The following NOS1AP variants were observed in gnomAD, a reference collection of about 807,000 sequenced individuals.
NOS1AP encodes carboxyl-terminal PDZ ligand of neuronal nitric oxide synthase protein.
NOS1AP carries 21 observed loss-of-function variants against 56.2 expected under a neutral mutation model. The ratio of observed to expected loss-of-function variants is 0.37; its 90% CI spans 0.26 to 0.54. The LOEUF is 0.54. Ranked by LOEUF, NOS1AP falls within the 20% of genes least tolerant of loss-of-function variation. NOS1AP has a pLI of 0.84. For synonymous variants in NOS1AP, 270 were observed against 274.6 expected (o/e 0.98, Z 0.17); for missense variants, 522 against 657.8 (o/e 0.79, Z 2.26).
In NOS1AP at chr1:162,357,037, C is replaced by A. The variant is rs1222468441; in HGVS notation, c.840C>A (p.Gly280=). ...CTTCTTCTTCCTCGAAGCCTCCAGG[C>A]CTGGGCACAGAGACACCGCTGTCCA... is the stretch of plus-strand genomic sequence containing the variant. The part of the protein sequence containing the change: ...LLPSSSSKPP[G]LGTETPLSTH... Residue 280 remains glycine (G), a synonymous_variant, in exon 8 of 10, where the codon GGC becomes GGA. Coordinates refer to ENST00000361897, the MANE Select transcript of NOS1AP (RefSeq NM_014697.3). 1 of 1,613,812 alleles carries A rather than the reference C, an allele frequency of 6.2e-7. No individual in the cohort carries two copies. The highest frequency in any genetic ancestry group is 8.5e-7 in the Non-Finnish European group (1 of 1,180,040).
At chr1:162,162,074 A>G (rs902283676) in intron 2 of NOS1AP, among the ~76,000 whole-genome samples, 3 of 152,220 alleles carry the variant, frequency 2.0e-5, no homozygotes, top group Admixed American at 2.0e-4. Flanking sequence ...TTTGATCCTA[A>G]TGACAACAAG....
intron 8 of NOS1AP, chr1:162,364,272 G>A: frequency 7.1e-6 from 7 of 985,398 alleles, no homozygotes; most frequent in Non-Finnish European, 8.4e-6. Context: ...CCACACCATG[G>A]TTTTGGTACA....
intron 2 of NOS1AP, among the ~76,000 whole-genome samples, chr1:162,238,977 T>C (rs1034047793): frequency 2.4e-4 from 37 of 152,332 alleles, no homozygotes; most frequent in Admixed American, 1.0e-3. Context: ...GGTAAGTTAA[T>C]CTGTAGACCT....
intron 2 of NOS1AP, among the ~76,000 whole-genome samples, chr1:162,191,933 T>C (rs1651660969): frequency 6.6e-6 from 1 of 152,194 alleles, no homozygotes; most frequent in Admixed American, 6.5e-5. Context: ...GGGGGTTCTA[T>C]TCTACTGCTA....
At position 162,355,187 on chromosome 1, in the gene NOS1AP, G is replaced by A. The variant is rs757539904; in HGVS notation, c.596G>A (p.Gly199Asp). The change falls in exon 7 of 10, where the codon GGC (glycine) becomes GAC (aspartate). Residue 199 changes from glycine (G) to aspartate (D), a missense_variant and splice_region_variant. By Grantham distance (94) the Gly-to-Asp change is moderately conservative. Coordinates refer to ENST00000361897, the MANE Select transcript of NOS1AP (RefSeq NM_014697.3). Reference sequence around the variant, plus strand: ...CCTCCCTCCCCTGTTGTTCCTGCAGGCCGCCAGCTCACTGGAGCCGAGAGG... The same window carrying A: ...CCTCCCTCCCCTGTTGTTCCTGCAGACCGCCAGCTCACTGGAGCCGAGAGG... ...ERNSNSSGDP[G>D]RQLTGAERAS... The A allele has an allele frequency of 5.0e-6, 8 of 1,614,084 alleles. No homozygotes were observed. Among genetic ancestry groups the A allele is most frequent in the Non-Finnish European group, 6.8e-6 (8 of 1,180,036 alleles).
intron 3 of NOS1AP, among the ~76,000 whole-genome samples, chr1:162,291,442 T>G (rs927778038): frequency 1.3e-5 from 2 of 152,174 alleles, no homozygotes; most frequent in Non-Finnish European, 2.9e-5. Context: ...GTTACCTTTA[T>G]CATGTTGTCC....
intron 4 of NOS1AP, among the ~76,000 whole-genome samples, chr1:162,314,163 A>G (rs1172663015): frequency 2.0e-5 from 3 of 152,190 alleles, no homozygotes; most frequent in Non-Finnish European, 4.4e-5. Flanking sequence ...ACCCTTTTGT[A>G]TCTAAAACTG....
At chr1:162,358,481 GA>G in intron 8 of NOS1AP, among the ~76,000 whole-genome samples, 1 of 152,324 alleles carries the variant, frequency 6.6e-6, no homozygotes, top group South Asian at 2.1e-4. Context: ...GATATCTCGT[GA>G]TGCTAGGAGG....
intron 1 of NOS1AP, among the ~76,000 whole-genome samples, chr1:162,084,727 G>A (rs1348343523): frequency 6.6e-6 from 1 of 152,020 alleles, no homozygotes; most frequent in Non-Finnish European, 1.5e-5. Context: ...CACCTGTGCT[G>A]GAGTGCAGTG....
At chr1:162,185,856 C>T (rs1651416750) in intron 2 of NOS1AP, among the ~76,000 whole-genome samples, 1 of 152,178 alleles carries the variant, frequency 6.6e-6, no homozygotes, top group African/African-American at 2.4e-5. Flanking sequence ...TGTATGCACT[C>T]TCCCTCCTCT....
chr1:162,140,125 G>A (rs1475014312), intron 1 of NOS1AP, among the ~76,000 whole-genome samples: 3 of 152,042 alleles, frequency 2.0e-5, no homozygotes, highest in Admixed American at 6.6e-5. Context: ...CACCGCACCC[G>A]GCCTGCAGTC....
At chr1:162,171,168 T>C (rs371338625) in intron 2 of NOS1AP, among the ~76,000 whole-genome samples, 1 of 152,030 alleles carries the variant, frequency 6.6e-6, no homozygotes, top group South Asian at 2.1e-4. Context: ...GACTCAAGGC[T>C]TTTACCCAAA....
At chr1:162,141,706 G>A (rs886705296) in intron 1 of NOS1AP, among the ~76,000 whole-genome samples, 8 of 152,086 alleles carry the variant, frequency 5.3e-5, no homozygotes, top group African/African-American at 7.2e-5. Flanking sequence ...AACTAATGCC[G>A]GGACTTAATT....
intron 2 of NOS1AP, among the ~76,000 whole-genome samples, chr1:162,174,415 G>C (rs1028628666): frequency 6.6e-5 from 8 of 120,704 alleles, no homozygotes; most frequent in African/African-American, 2.5e-4. Flanking sequence ...GTTGTGGGGT[G>C]GGGGGAGGGG....
At chr1:162,113,803 T>A (rs1647808690) in intron 1 of NOS1AP, among the ~76,000 whole-genome samples, 1 of 151,986 alleles carries the variant, frequency 6.6e-6, no homozygotes, top group African/African-American at 2.4e-5. Flanking sequence ...AGGACACAAA[T>A]CCAAACCATC....
intron 1 of NOS1AP, among the ~76,000 whole-genome samples, chr1:162,078,447 C>T (rs985417111): frequency 2.0e-5 from 3 of 152,180 alleles, no homozygotes; most frequent in Non-Finnish European, 4.4e-5. Flanking sequence ...GCTCTACTCT[C>T]CTGTACCCCA....
At chr1:162,206,089 A>C (rs1163101023) in intron 2 of NOS1AP, among the ~76,000 whole-genome samples, 1 of 152,160 alleles carries the variant, frequency 6.6e-6, no homozygotes, top group Non-Finnish European at 1.5e-5. Context: ...CCTTTTAGAG[A>C]ATGTTATCCG....
At chr1:162,071,331 T>A (rs1218468701) in intron 1 of NOS1AP, among the ~76,000 whole-genome samples, 1 of 152,202 alleles carries the variant, frequency 6.6e-6, no homozygotes, top group Non-Finnish European at 1.5e-5. Flanking sequence ...CTCTTTCTCT[T>A]TCTTGATGGT....
intron 2 of NOS1AP, among the ~76,000 whole-genome samples, chr1:162,208,151 C>G (rs1002161874): frequency 2.6e-5 from 4 of 152,108 alleles, no homozygotes; most frequent in Admixed American, 2.6e-4. Context: ...CAGCTCAGCC[C>G]TTTCACCTGG....
Sources: gnomAD v4.1 joint callset for allele counts (sites outside exome capture counted in the v4.1 genomes callset) on GRCh38, gnomAD v4.1.1 for gene constraint, MANE v1.5 for transcripts, NCBI Gene and HGNC (gene_info 2026-07-23, HGNC 2026-07-21) for gene names.